Variants in SCNN1B observed in about 807,000 individuals in gnomAD.
The protein encoded by SCNN1B is sodium channel epithelial 1 subunit beta, also known as epithelial sodium channel subunit beta.
SCNN1B carries 46 observed loss-of-function variants against 65.3 expected under a neutral mutation model. That is an observed-to-expected ratio of 0.70 (90% CI 0.56 to 0.90). SCNN1B has a LOEUF of 0.90. SCNN1B is among the 40% of genes least tolerant of loss of function. The pLI, the probability that SCNN1B is intolerant of heterozygous loss-of-function variation, is 0.00. For synonymous variants in SCNN1B, 349 were observed against 330.6 expected, an observed-to-expected ratio of 1.06 and a Z score of -0.60; for missense variants, 751 against 830.5, an observed-to-expected ratio of 0.90 and a Z score of 1.18.
upstream of SCNN1B, among the ~76,000 whole-genome samples, chr16:23,298,648 C>A (rs1961030564): frequency 6.6e-6 from 1 of 152,166 alleles, no homozygotes; most frequent in Non-Finnish European, 1.5e-5. Flanking sequence ...ATCCACAGTT[C>A]TAAACAGCTG....
chr16:23,336,678 T>G (rs1473994011), intron 1 of SCNN1B, among the ~76,000 whole-genome samples: 1 of 152,094 alleles, frequency 6.6e-6, no homozygotes, highest in Non-Finnish European at 1.5e-5. Context: ...CCAAGATGAT[T>G]TTTTTTTCAA....
chr16:23,360,260 C>T (rs747784211), intron 4 of SCNN1B, among the ~76,000 whole-genome samples: 10 of 143,678 alleles, frequency 7.0e-5, no homozygotes, highest in Non-Finnish European at 1.4e-4. Flanking sequence ...AGGCTTTTGG[C>T]CAGGTGCAGT....
chr16:23,330,991 T>C (rs61476624), intron 1 of SCNN1B, among the ~76,000 whole-genome samples: 8,858 of 152,196 alleles, frequency 0.058, 879 homozygotes, highest in African/African-American at 0.2. Flanking sequence ...CCCTGAAAGG[T>C]GTGGCCAGCG....
chr16:23,330,486 G>T (rs545255482), intron 1 of SCNN1B, among the ~76,000 whole-genome samples: 2 of 152,308 alleles, frequency 1.3e-5, no homozygotes, highest in East Asian at 3.9e-4. Context: ...CTTGCTTTCG[G>T]ATCCTGCAGC....
chr16:23,314,367 G>C (rs2141987932), intron 1 of SCNN1B, among the ~76,000 whole-genome samples: 1 of 152,218 alleles, frequency 6.6e-6, no homozygotes, highest in East Asian at 1.9e-4. Context: ...CAGAGAAACT[G>C]AGCTCTCTCA....
chr16:23,367,744 C>T (rs1316810480), intron 4 of SCNN1B, 112 bp from the exon 5 acceptor site: 1 of 846,802 alleles, frequency 1.2e-6, no homozygotes, highest in Admixed American at 1.7e-5. Flanking sequence ...CTGTTGCTCG[C>T]CTCTCCCTTT....
At chr16:23,359,570 G>A (rs554281828) in intron 4 of SCNN1B, among the ~76,000 whole-genome samples, 13 of 152,160 alleles carry the variant, frequency 8.5e-5, no homozygotes, top group South Asian at 4.2e-4. Flanking sequence ...CTGCTCTCCC[G>A]GTGCTGGGCC....
rs1329566632 is a variant in SCNN1B at position 23,353,045 on chromosome 16, G to A, written c.556G>A (p.Ala186Thr). Residue 186 changes from alanine (A) to threonine (T), a missense_variant, in exon 3 of 13, where the codon GCC becomes ACC. Transcript: ENST00000343070. The stretch of plus-strand genomic sequence containing the variant: ...CTCAGCATCAGAAAAGATCTGTAAT[G>A]CCCACGGGTGCAAAATGGCCATGAG... The part of the protein sequence containing the change: ...SSSASEKICN[A>T]HGCKMAMRLC... 1 of 1,614,174 alleles carries A rather than the reference G, an allele frequency of 6.2e-7. No individual in the cohort carries two copies.
At chr16:23,333,012 A>G (rs112298075) in intron 1 of SCNN1B, among the ~76,000 whole-genome samples, 12,319 of 151,534 alleles carry the variant, frequency 0.081, 1,660 homozygotes, top group African/African-American at 0.28. Flanking sequence ...CAGAGGTTGC[A>G]GTGAGCCAAA....
At chr16:23,303,386 G>C (rs1961126961) in intron 1 of SCNN1B, among the ~76,000 whole-genome samples, 1 of 152,058 alleles carries the variant, frequency 6.6e-6, no homozygotes. Flanking sequence ...CCAGAGACCT[G>C]AGCACCCCTG....
chr16:23,348,958 T>A lies in SCNN1B; in HGVS notation c.311+48T>A. The A allele has an allele frequency of 2.7e-6, 4 of 1,471,868 alleles. No individual in the cohort carries two copies. The highest frequency in any genetic ancestry group is 3.8e-6 in the Non-Finnish European group (4 of 1,051,434). The allele number at this position is 1,471,868 out of a possible 1,614,324, so 91.2% of individuals were successfully genotyped here. A position where few individuals can be genotyped will look rare whatever the true frequency, so the allele number is the denominator to read the frequency against. On this transcript the variant is annotated intron_variant, in intron 2 of 12. Transcript: ENST00000343070. The surrounding 1 kb of genome is among the most constrained non-coding windows in gnomAD (Gnocchi z 4.5). The stretch of plus-strand genomic sequence containing the variant: ...GCTGGCCTCAGCAGACAGGCGGTTC[T>A]CTTTCTCTCTTTTCTTCCCTTCTAC...
intron 4 of SCNN1B, among the ~76,000 whole-genome samples, chr16:23,358,894 G>A (rs761036390): frequency 6.6e-6 from 1 of 152,234 alleles, no homozygotes; most frequent in Non-Finnish European, 1.5e-5. Context: ...GCGACAGGGG[G>A]AGACTCTCTT....
chr16:23,323,469 G>T, intron 1 of SCNN1B: 1 of 697,254 alleles, frequency 1.4e-6, no homozygotes, highest in South Asian at 1.5e-5. Flanking sequence ...CTCCATGCCA[G>T]ACACTGTGCT....
intron 1 of SCNN1B, among the ~76,000 whole-genome samples, chr16:23,340,107 T>C (rs780543658): frequency 2.0e-5 from 3 of 152,206 alleles, no homozygotes; most frequent in Non-Finnish European, 4.4e-5. Context: ...TCCTCTTTTA[T>C]GGTGTCTATT....
rs749106839 is a variant in SCNN1B, at chr16:23,348,758, C to T, written c.159C>T (p.Phe53=). Residue 53 remains phenylalanine, a synonymous_variant, in exon 2 of 13, where the codon TTC becomes TTT. Transcript: ENST00000343070. The surrounding 1 kb of genome is among the most constrained non-coding windows in gnomAD (Gnocchi z 4.5). ...CEGPKKKAMW[F]LLTLLFAALV... ...GGCCCAAGAAGAAAGCCATGTGGTT[C>T]CTGCTCACCCTGCTCTTCGCCGCCC... 16 of 1,614,202 alleles carry T rather than the reference C, an allele frequency of 9.9e-6. No individual in the cohort carries two copies. The highest frequency in any genetic ancestry group is 1.2e-5 in the Non-Finnish European group (14 of 1,180,044).
At chr16:23,330,205 C>G (rs530286937) in intron 1 of SCNN1B, among the ~76,000 whole-genome samples, 3 of 152,154 alleles carry the variant, frequency 2.0e-5, no homozygotes, top group African/African-American at 4.8e-5. Flanking sequence ...CCAGGGACCC[C>G]GACTCGGCAG....
intron 1 of SCNN1B, among the ~76,000 whole-genome samples, chr16:23,334,603 C>A (rs191502140): frequency 9.8e-5 from 15 of 152,328 alleles, no homozygotes; most frequent in Admixed American, 9.8e-4. Flanking sequence ...GCTGTTCTTC[C>A]TTGCTTTGCT....
chr16:23,285,029 A>G (rs1295606910), intron 2 of SCNN1B, among the ~76,000 whole-genome samples: 3 of 152,228 alleles, frequency 2.0e-5, no homozygotes, highest in Admixed American at 2.0e-4. Context: ...ACCATTTTTT[A>G]GTATCAAAAA....
chr16:23,295,261 C>T (rs906432642), intron 2 of SCNN1B, among the ~76,000 whole-genome samples: 6 of 152,042 alleles, frequency 3.9e-5, no homozygotes, highest in African/African-American at 1.2e-4. Context: ...CTCTGTTACC[C>T]AGGTTGGAGT....
Sources: gnomAD v4.1 joint callset for allele counts (sites outside exome capture counted in the v4.1 genomes callset) on GRCh38, gnomAD v4.1.1 for gene constraint, Gnocchi (gnomAD v3.1) non-coding constraint, MANE v1.5 for transcripts, NCBI Gene and HGNC (gene_info 2026-07-23, HGNC 2026-07-21) for gene names.